Variants in NUBPL observed in about 807,000 individuals in gnomAD.
NUBPL encodes the protein NUBP iron-sulfur cluster assembly factor, mitochondrial.
A neutral mutation model predicts 45.7 loss-of-function variants in NUBPL; 31 were observed. The ratio of observed to expected loss-of-function variants is 0.68; its 90% CI spans 0.51 to 0.92. The LOEUF is 0.92. Among genes scored for constraint, NUBPL ranks in the 40% least tolerant of loss-of-function variants. The pLI is 0.00. For missense variants in NUBPL, 401 were observed against 398.7 expected, an observed-to-expected ratio of 1.01 and a Z score of -0.05; for synonymous variants, 144 against 140.9, an observed-to-expected ratio of 1.02 and a Z score of -0.15.
intron 7 of NUBPL, among the ~76,000 whole-genome samples, chr14:31,814,562 C>CT (rs1027192717): frequency 1.1e-3 from 160 of 149,332 alleles, no homozygotes; most frequent in African/African-American, 3.1e-3. Flanking sequence ...TCAATATTGG[C>CT]TTTTTTTTTT....
intron 4 of NUBPL, among the ~76,000 whole-genome samples, chr14:31,609,030 C>T (rs1030920611): frequency 3.9e-5 from 6 of 151,908 alleles, no homozygotes; most frequent in Non-Finnish European, 8.8e-5. Flanking sequence ...AAGAGAAGAC[C>T]ACAAAACAAC....
At chr14:31,639,963 A>C (rs1275859821) in intron 4 of NUBPL, among the ~76,000 whole-genome samples, 1 of 152,060 alleles carries the variant, frequency 6.6e-6, no homozygotes, top group Non-Finnish European at 1.5e-5. Flanking sequence ...GGTGGGAGTG[A>C]CCCGATTTTC....
intron 4 of NUBPL, among the ~76,000 whole-genome samples, chr14:31,644,364 G>A (rs1022249591): frequency 1.3e-5 from 2 of 151,822 alleles, no homozygotes; most frequent in African/African-American, 4.8e-5. Flanking sequence ...ATTTTCAGTT[G>A]TTTCAGGAAA....
intron 6 of NUBPL, among the ~76,000 whole-genome samples, chr14:31,709,613 A>G (rs1261896253): frequency 1.3e-5 from 2 of 152,196 alleles, no homozygotes; most frequent in South Asian, 2.1e-4. Flanking sequence ...ATCTCTCCAA[A>G]TGAGATAGAA....
chr14:31,665,701 A>G (rs1214045262), intron 4 of NUBPL, among the ~76,000 whole-genome samples: 2 of 152,130 alleles, frequency 1.3e-5, no homozygotes, highest in African/African-American at 4.8e-5. Context: ...AAGAATGTGT[A>G]TTCTCTTGAT....
chr14:31,668,399 C>T (rs183641537), intron 4 of NUBPL, among the ~76,000 whole-genome samples: 155 of 152,274 alleles, frequency 1.0e-3, no homozygotes, highest in African/African-American at 3.1e-3. Context: ...TATTGGTTGA[C>T]GCCCCTCTCC....
chr14:31,711,347 G>A lies in NUBPL; in HGVS notation c.513+37773G>A, dbSNP rs552098678. Among the ~76,000 whole-genome samples the A allele has an allele frequency of 7.9e-5, 12 of 152,258 alleles. No homozygotes were observed. The South Asian group carries it at 1.2e-3, about 16-fold the overall frequency. Reference sequence around the variant, plus strand: ...CACCCGTGTCTTTAGTCTGGTTGCCGCGCTAGTAGCTTTTAACTGGCCGAC... The same window carrying A: ...CACCCGTGTCTTTAGTCTGGTTGCCACGCTAGTAGCTTTTAACTGGCCGAC... On this transcript the variant is annotated intron_variant, in intron 6 of 10. Transcript: ENST00000281081.
At chr14:31,586,385 G>C (rs944882248) in intron 3 of NUBPL, among the ~76,000 whole-genome samples, 4 of 152,154 alleles carry the variant, frequency 2.6e-5, no homozygotes, top group Non-Finnish European at 2.9e-5. Flanking sequence ...GTGTGGTTTT[G>C]GCAGGTAGAA....
intron 4 of NUBPL, among the ~76,000 whole-genome samples, chr14:31,636,680 T>C (rs542480743): frequency 1.0e-3 from 152 of 152,338 alleles, no homozygotes; most frequent in Non-Finnish European, 1.7e-3. Flanking sequence ...AGTTCCTTCT[T>C]GTACCTCTGG....
In NUBPL at chr14:31,859,453, C is replaced by T. The variant is rs76188062; in HGVS notation, c.*273C>T. ...TATTGAATTACCCCTTTAGAAATCA[C>T]GAGTTTATGATGTTACAAGTCCATT... On this transcript the variant is annotated 3_prime_UTR_variant, in exon 11 of 11. Coordinates refer to ENST00000281081, the MANE Select transcript of NUBPL (RefSeq NM_025152.3). 51,973 of 441,858 alleles carry T rather than the reference C, an allele frequency of 0.12. 3,589 individuals are homozygous for T. Among genetic ancestry groups the T allele is most frequent in the Non-Finnish European group, 0.15 (35,770 of 238,518 alleles). The allele number at this position is 441,858 out of a possible 1,614,324, so 27.4% of individuals were successfully genotyped here.
intron 6 of NUBPL, among the ~76,000 whole-genome samples, chr14:31,718,657 A>G (rs995420822): frequency 6.6e-6 from 1 of 152,162 alleles, no homozygotes; most frequent in Non-Finnish European, 1.5e-5. Flanking sequence ...CAGATCCAGG[A>G]TGTATGAGGA....
At chr14:31,721,760 TC>T (rs1386040824) in intron 6 of NUBPL, among the ~76,000 whole-genome samples, 3 of 151,998 alleles carry the variant, frequency 2.0e-5, no homozygotes, top group African/African-American at 7.2e-5. Context: ...TTTCTCTCCC[TC>T]CCCCCATTCT....
chr14:31,846,386 A>G, intron 8 of NUBPL, 85 bp from the exon 9 acceptor site: 1 of 1,071,026 alleles, frequency 9.3e-7, no homozygotes, highest in Non-Finnish European at 1.4e-6. Flanking sequence ...ACTAGAACTC[A>G]GTAGGCACTC....
At chr14:31,842,433 A>C (rs537707628) in intron 8 of NUBPL, among the ~76,000 whole-genome samples, 1 of 152,278 alleles carries the variant, frequency 6.6e-6, no homozygotes, top group East Asian at 1.9e-4. Context: ...TTAGTTATCA[A>C]AACCTCTGAC....
At chr14:31,710,610 T>TAAAC (rs1458215244) in intron 6 of NUBPL, among the ~76,000 whole-genome samples, 2 of 152,208 alleles carry the variant, frequency 1.3e-5, no homozygotes, top group Non-Finnish European at 2.9e-5. Context: ...GTTAGAGTCC[T>TAAAC]AAACATTCTC....
intron 6 of NUBPL, among the ~76,000 whole-genome samples, chr14:31,777,397 G>A (rs979532348): frequency 1.3e-5 from 2 of 152,206 alleles, no homozygotes; most frequent in African/African-American, 4.8e-5. Context: ...ACTCAAATGT[G>A]TGCTAAATTT....
At chr14:31,659,564 T>C (rs892726269) in intron 4 of NUBPL, among the ~76,000 whole-genome samples, 1 of 152,188 alleles carries the variant, frequency 6.6e-6, no homozygotes, top group African/African-American at 2.4e-5. Context: ...TTTTACTACA[T>C]CCTGTAAAAC....
chr14:31,582,412 A>G (rs2033888386), intron 3 of NUBPL, among the ~76,000 whole-genome samples: 1 of 144,794 alleles, frequency 6.9e-6, no homozygotes, highest in Non-Finnish European at 1.5e-5. Flanking sequence ...TTAACAGCAG[A>G]GAGGCTTTTT....
At chr14:31,703,675 C>T (rs1297565149) in intron 6 of NUBPL, among the ~76,000 whole-genome samples, 1 of 152,186 alleles carries the variant, frequency 6.6e-6, no homozygotes, top group African/African-American at 2.4e-5. Context: ...AAGACCCACT[C>T]CCGTGATTCA....
Sources: gnomAD v4.1 joint callset for allele counts (sites outside exome capture counted in the v4.1 genomes callset) on GRCh38, gnomAD v4.1.1 for gene constraint, MANE v1.5 for transcripts, NCBI Gene and HGNC (gene_info 2026-07-23, HGNC 2026-07-21) for gene names.